The following IQGAP2 variants were observed in gnomAD, a reference collection of about 807,000 sequenced individuals.
IQGAP2 encodes IQ motif containing GTPase activating protein 2.
In IQGAP2, 173 loss-of-function variants were observed where a neutral mutation model predicts 201.3. The ratio of observed to expected loss-of-function variants is 0.86; its 90% CI spans 0.76 to 0.98. The LOEUF (loss-of-function observed/expected upper bound fraction) is 0.98, where lower values mean the gene tolerates loss of function less well. Among genes scored for constraint, IQGAP2 ranks in the 50% least tolerant of loss-of-function variants. The pLI is 0.00. For missense variants in IQGAP2, 1,687 were observed against 1,864.8 expected, an observed-to-expected ratio of 0.90 and a Z score of 1.76; for synonymous variants, 675 against 673.9, an observed-to-expected ratio of 1.00 and a Z score of -0.03.
rs552647208 is a variant in IQGAP2 at position 76,411,641 on chromosome 5, T to C, written c.46+8050T>C. On this transcript the variant is annotated intron_variant, in intron 1 of 35. Transcript: ENST00000274364. ...TTCACCCATGCGATGCCTTTTGCCA[T>C]GTTACGGTGCAGTAAGAAGGCCCTC... Among the ~76,000 whole-genome samples the C allele has an allele frequency of 2.7e-4, 41 of 152,308 alleles. 2 individuals carry two copies. In the South Asian group the frequency reaches 8.3e-3, roughly 31 times the overall value.
At chr5:76,414,129 AG>A (rs1751288268) in intron 1 of IQGAP2, among the ~76,000 whole-genome samples, 1 of 152,242 alleles carries the variant, frequency 6.6e-6, no homozygotes, top group Non-Finnish European at 1.5e-5. Flanking sequence ...TACTTTTCAT[AG>A]AAGATGTTTG....
At chr5:76,411,714 T>G (rs1235292558) in intron 1 of IQGAP2, among the ~76,000 whole-genome samples, 2 of 152,164 alleles carry the variant, frequency 1.3e-5, no homozygotes, top group East Asian at 3.8e-4. Context: ...TCCAGAACTG[T>G]GCGGAAACAA....
At chr5:76,483,285 A>G (rs1224144794) in intron 2 of IQGAP2, among the ~76,000 whole-genome samples, 5 of 152,212 alleles carry the variant, frequency 3.3e-5, no homozygotes, top group Non-Finnish European at 7.3e-5. Context: ...AATATTCTCA[A>G]TACCAGATAC....
intron 1 of IQGAP2, among the ~76,000 whole-genome samples, chr5:76,408,450 T>C (rs2150068442): frequency 6.6e-6 from 1 of 152,352 alleles, no homozygotes; most frequent in African/African-American, 2.4e-5. Flanking sequence ...GCCACCCTGC[T>C]AGCTGGTGGC....
At chr5:76,432,347 A>G (rs549750796) in intron 1 of IQGAP2, among the ~76,000 whole-genome samples, 22 of 151,694 alleles carry the variant, frequency 1.5e-4, no homozygotes, top group African/African-American at 4.8e-4. Context: ...CTGGTCTCGA[A>G]CTCCTGACCT....
chr5:76,545,721 G>A (rs1385205287), intron 2 of IQGAP2, among the ~76,000 whole-genome samples: 1 of 152,136 alleles, frequency 6.6e-6, no homozygotes, highest in East Asian at 1.9e-4. Flanking sequence ...CTGAGATTTG[G>A]AAAATACTTG....
chr5:76,477,574 T>C (rs1755515617), intron 2 of IQGAP2, among the ~76,000 whole-genome samples: 1 of 152,242 alleles, frequency 6.6e-6, no homozygotes, highest in Admixed American at 6.5e-5. Flanking sequence ...CAGTACATAA[T>C]ACTTCATAAT....
At chr5:76,685,519 C>T (rs944630570) in intron 30 of IQGAP2, among the ~76,000 whole-genome samples, 4 of 152,156 alleles carry the variant, frequency 2.6e-5, no homozygotes, top group African/African-American at 7.2e-5. Flanking sequence ...TATATTTATA[C>T]TTATTCCTGA....
chr5:76,490,785 GT>G (rs1756491274), intron 2 of IQGAP2, among the ~76,000 whole-genome samples: 1 of 151,756 alleles, frequency 6.6e-6, no homozygotes, highest in African/African-American at 2.4e-5. Flanking sequence ...ATACCATTAT[GT>G]TAAAAAAAAA....
chr5:76,651,275 C>T (rs1752495799), intron 17 of IQGAP2, among the ~76,000 whole-genome samples: 1 of 152,130 alleles, frequency 6.6e-6, no homozygotes, highest in African/African-American at 2.4e-5. Flanking sequence ...TATCTCTATG[C>T]CTTCTTATTT....
chr5:76,610,088 A>C (rs1245149975), intron 12 of IQGAP2, among the ~76,000 whole-genome samples: 2,965 of 8,876 alleles, frequency 0.33, 407 homozygotes, highest in Non-Finnish European at 0.38. Context: ...ATATATATAT[A>C]TATATATATA....
chr5:76,545,647 A>G (rs529850144), intron 2 of IQGAP2, among the ~76,000 whole-genome samples: 1 of 152,246 alleles, frequency 6.6e-6, no homozygotes, highest in African/African-American at 2.4e-5. Context: ...CTAGGCTTTG[A>G]AAGTTCCATC....
chr5:76,536,820 C>T lies in IQGAP2; in HGVS notation c.147-25576C>T, dbSNP rs1759653911. Among the ~76,000 whole-genome samples the T allele has an allele frequency of 2.0e-5, 3 of 151,758 alleles. No homozygotes were observed. In the South Asian group the frequency reaches 6.2e-4, roughly 31 times the overall value. On this transcript the variant is annotated intron_variant, in intron 2 of 35. Transcript: ENST00000274364. ...TTTTGGCTTTTTATCTCCTTCTCCA[C>T]TTATTTTTTACCTGTGGAAAATGAT...
intron 1 of IQGAP2, among the ~76,000 whole-genome samples, chr5:76,419,282 C>A (rs1751585633): frequency 6.6e-6 from 1 of 152,030 alleles, no homozygotes; most frequent in South Asian, 2.1e-4. Flanking sequence ...GCACACCACA[C>A]CTGGCTAATT....
chr5:76,581,517 T>C (rs1214870737), intron 5 of IQGAP2, among the ~76,000 whole-genome samples: 1 of 152,204 alleles, frequency 6.6e-6, no homozygotes, highest in Non-Finnish European at 1.5e-5. Context: ...CTCTGAACCA[T>C]TCCTTTCCCT....
At chr5:76,632,814 G>GAAA (rs56875301) in intron 15 of IQGAP2, among the ~76,000 whole-genome samples, 112 of 148,892 alleles carry the variant, frequency 7.5e-4, no homozygotes, top group South Asian at 1.1e-3. Context: ...AGAGCTTAAG[G>GAAA]AAAAAAAAAA....
At chr5:76,667,877 CTTTTTTTTTTTTTTTTTTT>C (rs540744402) in intron 22 of IQGAP2, among the ~76,000 whole-genome samples, 2 of 123,422 alleles carry the variant, frequency 1.6e-5, no homozygotes, top group African/African-American at 6.3e-5. Context: ...AGTCCACTTT[CTTTTTTTTTTTTTTTTTTT>C]TTTTGATACA....
intron 5 of IQGAP2, among the ~76,000 whole-genome samples, chr5:76,586,699 A>G (rs192985162): frequency 3.0e-3 from 460 of 152,308 alleles, no homozygotes; most frequent in African/African-American, 0.01. Context: ...CTAAATATTC[A>G]GATTGACCCA....
chr5:76,419,426 T>C (rs1751594139), intron 1 of IQGAP2, among the ~76,000 whole-genome samples: 1 of 152,046 alleles, frequency 6.6e-6, no homozygotes, highest in South Asian at 2.1e-4. Flanking sequence ...AACCTCCGCC[T>C]CCCAAGTTCA....
Sources: allele counts gnomAD v4.1 joint callset (sites outside exome capture counted in the v4.1 genomes callset), GRCh38; gene constraint gnomAD v4.1.1; transcripts MANE v1.5; gene names NCBI Gene and HGNC (gene_info 2026-07-23, HGNC 2026-07-21).